ERICH6: variants seen among roughly 807,000 people sequenced by gnomAD.
ERICH6 encodes glutamate rich 6.
In ERICH6, 71 loss-of-function variants were observed where a neutral mutation model predicts 71.0. That is an observed-to-expected ratio of 1.00 (90% confidence interval 0.83 to 1.22). The LOEUF is 1.22. Among genes scored for constraint, ERICH6 ranks in the 50% most tolerant of loss-of-function variants. The pLI, the probability that ERICH6 is intolerant of heterozygous loss-of-function variation, is 0.00. For missense variants in ERICH6, 808 were observed against 797.2 expected (o/e 1.01, Z -0.16); for synonymous variants, 262 against 278.4 (o/e 0.94, Z 0.59).
rs1713030179 is a variant in ERICH6, at chr3:150,703,622, C to A, written c.277G>T (p.Asp93Tyr). 6.2e-7 allele frequency: 1 copy of A among 1,614,090 alleles called. No homozygotes were observed. The highest frequency in any genetic ancestry group is 1.3e-5 in the African/African-American group (1 of 75,042). ...DIGDYDDDFP[D>Y]VRPRLASIVS... ...ATGCTGGCTAAGCGGGGGCGCACGTCTGGGAAGTCGTCGTCGTAGTCACCG... is the reference window on the plus strand; with the variant it reads ...ATGCTGGCTAAGCGGGGGCGCACGTATGGGAAGTCGTCGTCGTAGTCACCG... The change falls in exon 1 of 14, where the codon GAC (aspartate) becomes TAC (tyrosine). Residue 93 changes from aspartate (D) to tyrosine (Y), a missense_variant. Asp to Tyr is a radical substitution (Grantham distance 160). Coordinates refer to ENST00000295910, the MANE Select transcript of ERICH6 (RefSeq NM_152394.5).
rs1712745963 is a variant in ERICH6 at position 150,698,683 on chromosome 3, T to C, written c.553+108A>G. 7.2e-6 allele frequency: 6 copies of C among 832,876 alleles called. No individual in the cohort carries two copies. The East Asian group carries it at 1.5e-4, about 21-fold the overall frequency. 51.6% of individuals were successfully genotyped at this position (832,876 alleles called of 1,614,324 possible). On this transcript the variant is annotated intron_variant, in intron 3 of 13. Coordinates refer to ENST00000295910, the MANE Select transcript of ERICH6 (RefSeq NM_152394.5). ...CTTGCCCAACATCACAAGGTTAGTA[T>C]GTGTTGGGGCTGGGATTCAAATCTA... is the stretch of plus-strand genomic sequence containing the variant.
intron 10 of ERICH6, among the ~76,000 whole-genome samples, chr3:150,675,994 T>C (rs934571281): frequency 6.6e-6 from 1 of 151,830 alleles, no homozygotes; most frequent in Non-Finnish European, 1.5e-5. Context: ...TTTTGAAAAA[T>C]TATCATCCAT....
chr3:150,668,797 A>T (rs371334749), intron 12 of ERICH6, among the ~76,000 whole-genome samples: 1 of 152,192 alleles, frequency 6.6e-6, no homozygotes, highest in Non-Finnish European at 1.5e-5. Flanking sequence ...TGGGACCAGG[A>T]TCTTAATTTC....
At chr3:150,679,715 T>C (rs1315483290) in intron 9 of ERICH6, among the ~76,000 whole-genome samples, 1 of 152,098 alleles carries the variant, frequency 6.6e-6, no homozygotes. Flanking sequence ...CTGGAGTCAA[T>C]GGCACGATCC....
intron 1 of ERICH6, among the ~76,000 whole-genome samples, 153 bp downstream of exon 1, chr3:150,703,343 G>A (rs1713011055): frequency 6.6e-6 from 1 of 152,176 alleles, no homozygotes; most frequent in Non-Finnish European, 1.5e-5. Flanking sequence ...TCTCTGACAA[G>A]GGCGTGAGAG....
At chr3:150,679,035 C>CAAAA (rs1160094551) in intron 9 of ERICH6, among the ~76,000 whole-genome samples, 42 of 65,180 alleles carry the variant, frequency 6.4e-4, no homozygotes, top group South Asian at 1.1e-3. Flanking sequence ...GACTCTGTCT[C>CAAAA]AAAAAAAAAA....
intron 10 of ERICH6, among the ~76,000 whole-genome samples, chr3:150,676,831 TG>T (rs1272807014): frequency 6.6e-6 from 1 of 152,002 alleles, no homozygotes; most frequent in Non-Finnish European, 1.5e-5. Flanking sequence ...TTTTTTTTTT[TG>T]AGACAGAGTC....
At chr3:150,678,289 C>T (rs1711738436) in intron 10 of ERICH6, 120 bp downstream of exon 10, 1 of 934,798 alleles carries the variant, frequency 1.1e-6, no homozygotes, top group East Asian at 2.8e-5. Flanking sequence ...AAGTCTGTAC[C>T]AATTCTTTTT....
chr3:150,690,174 C>T (rs1016545313), intron 3 of ERICH6, among the ~76,000 whole-genome samples: 14 of 152,140 alleles, frequency 9.2e-5, no homozygotes, highest in African/African-American at 3.4e-4. Flanking sequence ...TGAAACTGGT[C>T]TCCTTATACA....
chr3:150,683,825 G>A (rs564425538), intron 6 of ERICH6, among the ~76,000 whole-genome samples: 1 of 152,274 alleles, frequency 6.6e-6, no homozygotes, highest in East Asian at 1.9e-4. Context: ...CCTGAAGAGG[G>A]TGTGGCTAGA....
intron 12 of ERICH6, among the ~76,000 whole-genome samples, chr3:150,668,814 G>A (rs559888895): frequency 3.5e-4 from 53 of 152,268 alleles, no homozygotes; most frequent in African/African-American, 1.3e-3. Flanking sequence ...TTTCTCTGGA[G>A]ATTTTGTGTG....
In ERICH6 at chr3:150,673,682, G is replaced by A. The variant is rs546456673; in HGVS notation, c.1343+274C>T. On this transcript the variant is annotated intron_variant, in intron 11 of 13. Coordinates refer to ENST00000295910, the MANE Select transcript of ERICH6 (RefSeq NM_152394.5). ...CAGTTCACTGCAGCCTCTACCTCCT[G>A]AGCCCAGATGATCCTTCTACTTCAG... 7.2e-5 allele frequency among the ~76,000 whole-genome samples: 11 copies of A among 152,266 alleles called. No homozygotes were observed. The South Asian group carries it at 2.1e-3, about 29-fold the overall frequency.
chr3:150,692,618 T>C (rs1194638040), intron 3 of ERICH6, among the ~76,000 whole-genome samples: 1 of 152,112 alleles, frequency 6.6e-6, no homozygotes, highest in Non-Finnish European at 1.5e-5. Context: ...AATATGTTAT[T>C]AGTATGTGTT....
At chr3:150,675,386 T>C (rs1334732875) in intron 10 of ERICH6, among the ~76,000 whole-genome samples, 1 of 152,158 alleles carries the variant, frequency 6.6e-6, no homozygotes, top group African/African-American at 2.4e-5. Context: ...TCTTGCTCTG[T>C]TGCCCAGGCT....
At chr3:150,684,557 G>A (rs1457196708) in intron 6 of ERICH6, among the ~76,000 whole-genome samples, 1 of 152,110 alleles carries the variant, frequency 6.6e-6, no homozygotes, top group Non-Finnish European at 1.5e-5. Flanking sequence ...TCAGATCTGG[G>A]GAGTAAGCAG....
chr3:150,661,784 G>C (rs982227910), intron 13 of ERICH6, among the ~76,000 whole-genome samples: 9 of 152,134 alleles, frequency 5.9e-5, no homozygotes, highest in Non-Finnish European at 1.0e-4. Flanking sequence ...GGGAGGCTGA[G>C]GCAGGATGAT....
At chr3:150,665,978 G>C (rs1016402699) in intron 13 of ERICH6, among the ~76,000 whole-genome samples, 2 of 151,696 alleles carry the variant, frequency 1.3e-5, no homozygotes, top group Non-Finnish European at 2.9e-5. Flanking sequence ...ATTTTATTTA[G>C]TGCCAAGTAC....
intron 3 of ERICH6, among the ~76,000 whole-genome samples, chr3:150,691,893 T>C (rs2108072033): frequency 6.6e-6 from 1 of 152,182 alleles, no homozygotes; most frequent in South Asian, 2.1e-4. Context: ...TGGTAGAAGA[T>C]GTCAATCAAA....
At chr3:150,696,501 G>T (rs1712662346) in intron 3 of ERICH6, among the ~76,000 whole-genome samples, 1 of 151,936 alleles carries the variant, frequency 6.6e-6, no homozygotes, top group African/African-American at 2.4e-5. Flanking sequence ...AGACAAACTG[G>T]GAGGAGCAAT....
Sources: allele counts gnomAD v4.1 joint callset (sites outside exome capture counted in the v4.1 genomes callset), GRCh38; gene constraint gnomAD v4.1.1; transcripts MANE v1.5; gene names NCBI Gene and HGNC (gene_info 2026-07-23, HGNC 2026-07-21).